Variants in GPR180 observed in about 807,000 individuals in gnomAD.
GPR180 encodes the protein integral membrane protein GPR180.
Under a neutral mutation model 52.6 loss-of-function variants are expected in GPR180, and 53 were observed. The ratio of observed to expected loss-of-function variants is 1.01; its 90% CI spans 0.81 to 1.27. The LOEUF (loss-of-function observed/expected upper bound fraction) is 1.27. GPR180 is among the 50% of genes most tolerant of loss of function. The pLI is 0.00. For synonymous variants in GPR180, 200 were observed against 193.1 expected (o/e 1.04, Z -0.30); for missense variants, 533 against 527.0 (o/e 1.01, Z -0.11).
At position 94,631,395 on chromosome 13, in the gene GPR180, A is replaced by G. The variant is rs1317666307; in HGVS notation, c.*4224A>G. 1 of 151,888 alleles carries G rather than the reference A, an allele frequency of 6.6e-6. No homozygotes were observed. The highest frequency in any genetic ancestry group is 1.5e-5 in the Non-Finnish European group (1 of 68,000). 9.4% of individuals were successfully genotyped at this position (151,888 alleles called of 1,614,324 possible). The stretch of plus-strand genomic sequence containing the variant: ...TTATTTTGAATATTAAGATATGTGT[A>G]TGTGTATTAGATCCTAGTGGTTCTT... On this transcript the variant is annotated 3_prime_UTR_variant, in exon 9 of 9. Transcript: ENST00000376958.
Position 94,602,027 on chromosome 13 carries a change from G to C in GPR180, c.100G>C (p.Ala34Pro). 4.8e-6 allele frequency: 7 copies of C among 1,453,750 alleles called. No individual in the cohort carries two copies. Among genetic ancestry groups the C allele is most frequent in the Non-Finnish European group, 6.3e-6 (7 of 1,103,332 alleles). The allele number at this position is 1,453,750 out of a possible 1,614,324, so 90.1% of individuals were successfully genotyped here. ...TLRGSFSSTA[A>P]QDAQGQRIGH... Reference sequence around the variant, plus strand: ...GCGGGGCAGCTTCAGCAGCACCGCGGCCCAGGACGCCCAGGGCCAGCGCAT... The same window carrying C: ...GCGGGGCAGCTTCAGCAGCACCGCGCCCCAGGACGCCCAGGGCCAGCGCAT... Residue 34 changes from alanine to proline, a missense_variant, in exon 1 of 9, where the codon GCC becomes CCC. Ala to Pro is a conservative substitution (Grantham distance 27, BLOSUM62 -1). Transcript: ENST00000376958.
At chr13:94,616,625 T>C (rs79347906) in intron 3 of GPR180, among the ~76,000 whole-genome samples, 1,852 of 152,328 alleles carry the variant, frequency 0.012, 40 homozygotes, top group African/African-American at 0.042. Context: ...TCATTAAGAG[T>C]ATTTTTCTTC....
In GPR180 at chr13:94,628,232, T is replaced by C. The variant is rs891600845; in HGVS notation, c.*1061T>C. 2.6e-5 allele frequency: 4 copies of C among 152,260 alleles called. No homozygotes were observed. The highest frequency in any genetic ancestry group is 6.6e-5 in the Admixed American group (1 of 15,246). 9.4% of individuals were successfully genotyped at this position (152,260 alleles called of 1,614,324 possible). On this transcript the variant is annotated 3_prime_UTR_variant, in exon 9 of 9. Transcript: ENST00000376958. ...CCTTTGTAATAAAGCCATACTTTTG[T>C]GTGTGTGTGTGATGCCCCAGTATTG...
chr13:94,602,119 C>T (rs1889563476), intron 1 of GPR180, 47 bp downstream of exon 1: 2 of 1,274,476 alleles, frequency 1.6e-6, no homozygotes, highest in East Asian at 6.3e-5. Flanking sequence ...TGGCCCATCC[C>T]GCCGGCTGAG....
chr13:94,627,197 G>C lies in GPR180; in HGVS notation c.*26G>C. On this transcript the variant is annotated 3_prime_UTR_variant, in exon 9 of 9. Transcript: ENST00000376958. ...TACTTGATTTTTGTTGAGAGGAAAA[G>C]TGAATTGGTTAAAAGAGTGCAATAA... 1.2e-6 allele frequency: 2 copies of C among 1,605,166 alleles called. No individual in the cohort carries two copies. The highest frequency in any genetic ancestry group is 2.2e-5 in the East Asian group (1 of 44,720).
At chr13:94,603,969 G>A (rs1346524452) in intron 1 of GPR180, among the ~76,000 whole-genome samples, 1 of 152,122 alleles carries the variant, frequency 6.6e-6, no homozygotes, top group African/African-American at 2.4e-5. Context: ...GACTCGTTGG[G>A]TGGCTCCTGC....
rs1890016177 is a variant in GPR180, at chr13:94,632,796, CAT to C, written c.*5628_*5629del. ...GGATTAGAGGGTTGGAGTTTTGAGT[CAT>C]ATGATATTAGCCCAACCTCTGAGGT... On this transcript the variant is annotated 3_prime_UTR_variant, in exon 9 of 9. Coordinates refer to ENST00000376958, the MANE Select transcript of GPR180 (RefSeq NM_180989.6). 3 of 152,286 alleles carry C rather than the reference CAT, an allele frequency of 2.0e-5. No individual in the cohort carries two copies. Among genetic ancestry groups the C allele is most frequent in the South Asian group, 4.1e-4 (2 of 4,824 alleles). The allele number at this position is 152,286 out of a possible 1,614,324, so 9.4% of individuals were successfully genotyped here. A position where few individuals can be genotyped will look rare whatever the true frequency, so the allele number is the denominator to read the frequency against.
intron 2 of GPR180, among the ~76,000 whole-genome samples, chr13:94,605,973 A>G (rs1889624835): frequency 6.6e-6 from 1 of 152,164 alleles, no homozygotes; most frequent in Admixed American, 6.5e-5. Flanking sequence ...TTTGAACATG[A>G]GACTTAGTTA....
At chr13:94,613,991 G>A (rs906400914) in intron 3 of GPR180, among the ~76,000 whole-genome samples, 2 of 151,342 alleles carry the variant, frequency 1.3e-5, no homozygotes, top group African/African-American at 2.4e-5. Context: ...CAATTCTCCC[G>A]CCTCAGCCTC....
chr13:94,629,253 A>C lies in GPR180; in HGVS notation c.*2082A>C, dbSNP rs1889963945. ...TTACAGAAAGTTAAGTGTATACTACAAACTCTAATTAAAGATAAAAATCTT... is the reference window on the plus strand; with the variant it reads ...TTACAGAAAGTTAAGTGTATACTACCAACTCTAATTAAAGATAAAAATCTT... On this transcript the variant is annotated 3_prime_UTR_variant, in exon 9 of 9. Coordinates refer to ENST00000376958, the MANE Select transcript of GPR180 (RefSeq NM_180989.6). 1 of 152,188 alleles carries C rather than the reference A, an allele frequency of 6.6e-6. No individual in the cohort carries two copies. The highest frequency in any genetic ancestry group is 6.5e-5 in the Admixed American group (1 of 15,280). The allele number at this position is 152,188 out of a possible 1,614,324, so 9.4% of individuals were successfully genotyped here.
chr13:94,611,955 CT>C (rs1889711944), intron 2 of GPR180, among the ~76,000 whole-genome samples: 1 of 151,140 alleles, frequency 6.6e-6, no homozygotes, highest in Non-Finnish European at 1.5e-5. Context: ...TATAGTCATA[CT>C]TTTATAGTGA....
chr13:94,606,043 G>A (rs1437926664), intron 2 of GPR180, among the ~76,000 whole-genome samples: 1 of 152,202 alleles, frequency 6.6e-6, no homozygotes, highest in African/African-American at 2.4e-5. Flanking sequence ...TGTAATCTCA[G>A]CACTTGGGGA....
chr13:94,602,627 T>C (rs775514064), intron 1 of GPR180, among the ~76,000 whole-genome samples: 11 of 152,138 alleles, frequency 7.2e-5, no homozygotes, highest in African/African-American at 2.7e-4. Context: ...AGATTTACTA[T>C]GGGCAGTAAG....
intron 7 of GPR180, among the ~76,000 whole-genome samples, chr13:94,623,667 G>A (rs1379215208): frequency 6.8e-6 from 1 of 147,950 alleles, no homozygotes; most frequent in Non-Finnish European, 1.5e-5. Flanking sequence ...GTGACAGGGC[G>A]AGACCTTCTT....
rs925953529 is a variant in GPR180, at chr13:94,634,062, T to C, written c.*6891T>C. 1 of 152,156 alleles carries C rather than the reference T, an allele frequency of 6.6e-6. No homozygotes were observed. The highest frequency in any genetic ancestry group is 1.5e-5 in the Non-Finnish European group (1 of 68,024). The allele number at this position is 152,156 out of a possible 1,614,324, so 9.4% of individuals were successfully genotyped here. A position where few individuals can be genotyped will look rare whatever the true frequency, so the allele number is the denominator to read the frequency against. ...GTAGTCTTAAAATTGCTGTACGCTTTGGTAGGGATAATTTTCTGTTAAGTG... is the reference window on the plus strand; with the variant it reads ...GTAGTCTTAAAATTGCTGTACGCTTCGGTAGGGATAATTTTCTGTTAAGTG... On this transcript the variant is annotated 3_prime_UTR_variant, in exon 9 of 9. Coordinates refer to ENST00000376958, the MANE Select transcript of GPR180 (RefSeq NM_180989.6).
chr13:94,623,161 A>C lies in GPR180; in HGVS notation c.947A>C (p.His316Pro). 6.2e-7 allele frequency: 1 copy of C among 1,614,070 alleles called. No homozygotes were observed. Residue 316 changes from histidine to proline, a missense_variant, in exon 7 of 9, where the codon CAT (histidine) becomes CCT (proline). Transcript: ENST00000376958. The part of the protein sequence containing the change: ...QFEDISHHSY[H>P]SHHNLAGILL... ...GAAGATATCAGTCATCATAGCTACC[A>C]TTCACACCACAACTTAGCAGGGATC... is the stretch of plus-strand genomic sequence containing the variant.
intron 5 of GPR180, among the ~76,000 whole-genome samples, chr13:94,620,446 C>G (rs1285675792): frequency 6.6e-6 from 1 of 152,180 alleles, no homozygotes; most frequent in Non-Finnish European, 1.5e-5. Context: ...TACATCTTTT[C>G]TGTTTGAAGT....
intron 7 of GPR180, among the ~76,000 whole-genome samples, chr13:94,624,149 T>C (rs1429428475): frequency 6.6e-6 from 1 of 150,648 alleles, no homozygotes; most frequent in Non-Finnish European, 1.5e-5. Flanking sequence ...GCAAATTCAG[T>C]TTTTTTTCTA....
Position 94,601,917 on chromosome 13 carries a change from T to C in GPR180, c.-11T>C, listed in dbSNP as rs1889557198. On this transcript the variant is annotated 5_prime_UTR_variant, in exon 1 of 9. Transcript: ENST00000376958. ...GGGAGCCGAGGCGTCGGTGCAGACC[T>C]GGAGACGGGCATGGGGGGGCTGCGG... 3 of 1,479,734 alleles carry C rather than the reference T, an allele frequency of 2.0e-6. No individual in the cohort carries two copies. Among genetic ancestry groups the C allele is most frequent in the Non-Finnish European group, 2.7e-6 (3 of 1,120,358 alleles). The allele number at this position is 1,479,734 out of a possible 1,614,324, so 91.7% of individuals were successfully genotyped here.
Sources: gnomAD v4.1 joint callset for allele counts (sites outside exome capture counted in the v4.1 genomes callset) on GRCh38, gnomAD v4.1.1 for gene constraint, MANE v1.5 for transcripts, NCBI Gene and HGNC (gene_info 2026-07-23, HGNC 2026-07-21) for gene names.